ASIC2: variants seen among roughly 807,000 people sequenced by gnomAD.
ASIC2 encodes acid-sensing ion channel 2.
In ASIC2, 25 loss-of-function variants were observed where a neutral mutation model predicts 57.3. The observed-to-expected ratio is 0.44, with a 90% CI of 0.32 to 0.61. The LOEUF is 0.61. Ranked by LOEUF, ASIC2 falls within the 20% of genes least tolerant of loss-of-function variation. ASIC2 has a pLI of 0.06. For missense variants in ASIC2, 641 were observed against 738.1 expected (o/e 0.87, Z 1.52); for synonymous variants, 319 against 307.5 (o/e 1.04, Z -0.39).
At chr17:33,770,098 CTT>C (rs1402095937) in intron 1 of ASIC2, among the ~76,000 whole-genome samples, 1 of 152,230 alleles carries the variant, frequency 6.6e-6, no homozygotes, top group Non-Finnish European at 1.5e-5. Flanking sequence ...TGCTAGGACT[CTT>C]TAAATGATTC....
intron 1 of ASIC2, among the ~76,000 whole-genome samples, chr17:33,624,927 A>G (rs1905924346): frequency 6.6e-6 from 1 of 152,224 alleles, no homozygotes. Context: ...TGATTTAACT[A>G]AATACCTATC....
At chr17:33,207,491 A>G (rs900313858) in intron 1 of ASIC2, among the ~76,000 whole-genome samples, 2 of 152,202 alleles carry the variant, frequency 1.3e-5, no homozygotes, top group Non-Finnish European at 2.9e-5. Context: ...TGTATTGTAG[A>G]CAAGAAAAGA....
intron 1 of ASIC2, among the ~76,000 whole-genome samples, chr17:33,712,372 TC>T (rs1351429612): frequency 1.3e-5 from 2 of 152,238 alleles, no homozygotes; most frequent in African/African-American, 4.8e-5. Flanking sequence ...TAATCTTTGT[TC>T]CCAAGCATCT....
intron 1 of ASIC2, among the ~76,000 whole-genome samples, chr17:33,690,911 G>A (rs961437755): frequency 1.1e-4 from 17 of 151,638 alleles, no homozygotes; most frequent in African/African-American, 3.6e-4. Context: ...CACCACGCCT[G>A]GCTAATTTTT....
intron 1 of ASIC2, among the ~76,000 whole-genome samples, chr17:33,207,788 A>G (rs1234724475): frequency 6.6e-6 from 1 of 152,150 alleles, no homozygotes; most frequent in Non-Finnish European, 1.5e-5. Flanking sequence ...GTTGCTCTCC[A>G]CCAAAGACTC....
chr17:33,865,645 G>A (rs977678162), intron 1 of ASIC2, among the ~76,000 whole-genome samples: 4 of 150,928 alleles, frequency 2.7e-5, no homozygotes, highest in Non-Finnish European at 5.9e-5. Context: ...TATACCTAAT[G>A]CTAGATGACA....
intron 1 of ASIC2, among the ~76,000 whole-genome samples, chr17:33,546,435 G>A (rs1915581065): frequency 6.6e-6 from 1 of 152,122 alleles, no homozygotes; most frequent in African/African-American, 2.4e-5. Flanking sequence ...CATAGACTAA[G>A]GGTGCTAGAA....
chr17:33,989,752 G>A (rs1343473868), intron 1 of ASIC2, among the ~76,000 whole-genome samples: 3 of 152,114 alleles, frequency 2.0e-5, no homozygotes, highest in Non-Finnish European at 4.4e-5. Flanking sequence ...TGTACAAGGT[G>A]TCACTGCAGA....
intron 1 of ASIC2, among the ~76,000 whole-genome samples, chr17:33,683,973 G>C (rs531906994): frequency 1.3e-5 from 2 of 152,174 alleles, no homozygotes; most frequent in African/African-American, 4.8e-5. Context: ...ACGAATTTAG[G>C]GGGAGGAATA....
chr17:33,860,979 G>A (rs1427133481), intron 1 of ASIC2, among the ~76,000 whole-genome samples: 2 of 152,198 alleles, frequency 1.3e-5, no homozygotes, highest in African/African-American at 2.4e-5. Context: ...TAAAGTGGGA[G>A]TAAAAATTTG....
chr17:33,938,353 C>T lies in ASIC2; in HGVS notation c.555+217625G>A, dbSNP rs146482888. Among the ~76,000 whole-genome samples, 958 of 152,252 alleles carry T rather than the reference C, an allele frequency of 6.3e-3. 12 individuals carry two copies. Among genetic ancestry groups the T allele is most frequent in the Non-Finnish European group, 8.3e-3 (565 of 68,012 alleles). On this transcript the variant is annotated intron_variant, in intron 1 of 9. Transcript: ENST00000359872. The stretch of plus-strand genomic sequence containing the variant: ...TGTCCCTGATATTCCCTCCCACCAA[C>T]GCTAGAGGCTGTTTCCACCATGGCT...
intron 1 of ASIC2, among the ~76,000 whole-genome samples, chr17:34,127,295 T>C (rs1256694704): frequency 6.6e-6 from 1 of 152,218 alleles, no homozygotes; most frequent in African/African-American, 2.4e-5. Context: ...CTCCCTGCCT[T>C]GCCCAGTCTG....
chr17:34,094,796 A>G (rs1910459900), intron 1 of ASIC2, among the ~76,000 whole-genome samples: 1 of 152,210 alleles, frequency 6.6e-6, no homozygotes, highest in Admixed American at 6.5e-5. Flanking sequence ...TATTTCATAA[A>G]TATTAAACCC....
chr17:33,274,119 C>T (rs578231140), intron 1 of ASIC2, among the ~76,000 whole-genome samples: 1 of 152,318 alleles, frequency 6.6e-6, no homozygotes, highest in Admixed American at 6.5e-5. Flanking sequence ...GTCTGGATGG[C>T]CTTGGGCAAG....
chr17:33,397,640 G>C (rs572049617), intron 1 of ASIC2, among the ~76,000 whole-genome samples: 1 of 152,154 alleles, frequency 6.6e-6, no homozygotes, highest in Admixed American at 6.5e-5. Context: ...AACTGTCCCT[G>C]GGGATCTGGG....
chr17:34,124,453 C>G (rs1911714322), intron 1 of ASIC2, among the ~76,000 whole-genome samples: 1 of 152,176 alleles, frequency 6.6e-6, no homozygotes, highest in Non-Finnish European at 1.5e-5. Context: ...GATACCACTT[C>G]CTTATTTATG....
At chr17:34,043,804 G>A (rs1036470580) in intron 1 of ASIC2, among the ~76,000 whole-genome samples, 3 of 152,184 alleles carry the variant, frequency 2.0e-5, no homozygotes, top group African/African-American at 7.2e-5. Flanking sequence ...TGGACTGGGT[G>A]TGTTTTGAAT....
intron 1 of ASIC2, among the ~76,000 whole-genome samples, chr17:33,281,627 G>A (rs929146035): frequency 1.3e-5 from 2 of 152,214 alleles, no homozygotes; most frequent in African/African-American, 4.8e-5. Context: ...ACATATCTTG[G>A]ATTTGAACTC....
chr17:34,076,597 G>A (rs1909666707), intron 1 of ASIC2, among the ~76,000 whole-genome samples: 2 of 152,196 alleles, frequency 1.3e-5, no homozygotes, highest in South Asian at 2.1e-4. Context: ...CATAATTGTT[G>A]TTATGAAGAA....
Sources: gnomAD v4.1 joint callset for allele counts (sites outside exome capture counted in the v4.1 genomes callset) on GRCh38, gnomAD v4.1.1 for gene constraint, MANE v1.5 for transcripts, NCBI Gene and HGNC (gene_info 2026-07-23, HGNC 2026-07-21) for gene names.